KCNV2: variants seen among roughly 807,000 people sequenced by gnomAD.
KCNV2 encodes the protein potassium voltage-gated channel modifier subfamily V member 2.
A neutral mutation model predicts 37.0 loss-of-function variants in KCNV2; 65 were observed. That is an observed-to-expected ratio of 1.76 (90% CI 1.44 to 2.16). KCNV2 has a LOEUF of 2.16. Among genes scored for constraint, KCNV2 ranks in the 30% most tolerant of loss-of-function variants. The pLI is 0.00. For missense variants in KCNV2, 1,232 were observed against 766.7 expected (o/e 1.61, Z -7.17); for synonymous variants, 518 against 328.6 (o/e 1.58, Z -6.23).
rs747113494 is a variant in KCNV2, at chr9:2,718,774, G to C, written c.1035G>C (p.Pro345=). Residue 345 remains proline, a synonymous_variant, in exon 1 of 2, where the codon CCG becomes CCC. Coordinates refer to ENST00000382082, the MANE Select transcript of KCNV2 (RefSeq NM_133497.4). ...TGGTGGACCTGGTGGCCATCCTGCC[G>C]CTCTACCTTCAGCTGCTGCTCGAGT... ...LNLVDLVAIL[P]LYLQLLLECF... is the part of the protein sequence containing the mutation. The C allele has an allele frequency of 1.9e-6, 3 of 1,611,196 alleles. No homozygotes were observed. In the Admixed American group the frequency reaches 5.0e-5, roughly 27 times the overall value.
In KCNV2 at chr9:2,718,368, T is replaced by A. The variant is rs772215476; in HGVS notation, c.629T>A (p.Leu210Gln). ...RICFEERRDELSERLKIQHEL... is the reference protein window; with the variant it reads ...RICFEERRDEQSERLKIQHEL... The stretch of plus-strand genomic sequence containing the variant: ...TGCTTCGAGGAGCGGCGCGACGAGC[T>A]GAGCGAACGGCTCAAGATCCAGCAC... The change falls in exon 1 of 2, where the codon CTG becomes CAG. Residue 210 changes from leucine (L) to glutamine (Q), a missense_variant. Leu to Gln is a moderately radical substitution (Grantham distance 113). Coordinates refer to ENST00000382082, the MANE Select transcript of KCNV2 (RefSeq NM_133497.4). The A allele has an allele frequency of 8.1e-6, 13 of 1,599,546 alleles. No individual in the cohort carries two copies. The highest frequency in any genetic ancestry group is 1.3e-5 in the African/African-American group (1 of 74,820).
rs1349976136 is a variant in KCNV2 at position 2,729,801 on chromosome 9, T to G, written c.*74T>G. 2 of 1,490,290 alleles carry G rather than the reference T, an allele frequency of 1.3e-6. No homozygotes were observed. Among genetic ancestry groups the G allele is most frequent in the Middle Eastern group, 1.7e-4 (1 of 5,836 alleles). 92.3% of individuals were successfully genotyped at this position (1,490,290 alleles called of 1,614,324 possible). ...ATTGCTCTTTTTTTAATCATTATGA[T>G]TGGCAGCAAAAGGAAATGTGAAGCA... On this transcript the variant is annotated 3_prime_UTR_variant, in exon 2 of 2. Coordinates refer to ENST00000382082, the MANE Select transcript of KCNV2 (RefSeq NM_133497.4).
chr9:2,727,906 C>T (rs934704261), intron 1 of KCNV2, among the ~76,000 whole-genome samples: 7 of 151,744 alleles, frequency 4.6e-5, no homozygotes, highest in African/African-American at 1.7e-4. Context: ...AGTCCGTTTC[C>T]TTCAGCTTAT....
chr9:2,722,608 A>C (rs1299882047), intron 1 of KCNV2, among the ~76,000 whole-genome samples: 1 of 149,972 alleles, frequency 6.7e-6, no homozygotes, highest in Non-Finnish European at 1.5e-5. Flanking sequence ...TTTATAAATA[A>C]ATTAGAAGTT....
chr9:2,719,549 G>C (rs12336637), intron 1 of KCNV2, among the ~76,000 whole-genome samples: 9 of 152,112 alleles, frequency 5.9e-5, no homozygotes, highest in Admixed American at 2.0e-4. Flanking sequence ...AAGGAGGTGA[G>C]ACTTGGCTGA....
chr9:2,721,082 T>A (rs1819858780), intron 1 of KCNV2, among the ~76,000 whole-genome samples: 1 of 152,214 alleles, frequency 6.6e-6, no homozygotes. Flanking sequence ...TTGCCAATCA[T>A]AAATGTTACC....
intron 1 of KCNV2, among the ~76,000 whole-genome samples, chr9:2,724,415 T>G (rs1819935870): frequency 1.3e-5 from 2 of 152,048 alleles, no homozygotes; most frequent in African/African-American, 4.8e-5. Context: ...AACAGGGAAT[T>G]TAATACAAGG....
At chr9:2,728,439 C>T (rs1820003479) in intron 1 of KCNV2, among the ~76,000 whole-genome samples, 1 of 152,098 alleles carries the variant, frequency 6.6e-6, no homozygotes, top group Non-Finnish European at 1.5e-5. Flanking sequence ...AAAAACAGTC[C>T]CCAAGGAATT....
At position 2,729,638 on chromosome 9, in the gene KCNV2, G is replaced by A; in HGVS notation, c.1549G>A (p.Glu517Lys). 6.2e-7 allele frequency: 1 copy of A among 1,614,136 alleles called. No individual in the cohort carries two copies. The highest frequency in any genetic ancestry group is 8.5e-7 in the Non-Finnish European group (1 of 1,180,002). The change falls in exon 2 of 2, where the codon GAG becomes AAG. Residue 517 changes from glutamate to lysine, a missense_variant. Coordinates refer to ENST00000382082, the MANE Select transcript of KCNV2 (RefSeq NM_133497.4). ...EYTTIRRERG[E>K]VNFMQRARKK... ...TACCACCATACGCAGGGAGAGGGGAGAGGTGAACTTCATGCAGAGAGCCAG... is the reference window on the plus strand; with the variant it reads ...TACCACCATACGCAGGGAGAGGGGAAAGGTGAACTTCATGCAGAGAGCCAG...
rs977830892 is a variant in KCNV2, at chr9:2,718,762, G to A, written c.1023G>A (p.Val341=). Residue 341 remains valine, a synonymous_variant, in exon 1 of 2, where the codon GTG becomes GTA. Coordinates refer to ENST00000382082, the MANE Select transcript of KCNV2 (RefSeq NM_133497.4). ...GCGCCCTCAACCTGGTGGACCTGGT[G>A]GCCATCCTGCCGCTCTACCTTCAGC... The part of the protein sequence containing the change: ...ARSALNLVDL[V]AILPLYLQLL... 3.7e-6 allele frequency: 6 copies of A among 1,611,602 alleles called. No individual in the cohort carries two copies. In the African/African-American group the frequency reaches 6.7e-5, roughly 18 times the overall value.
Position 2,717,840 on chromosome 9 carries a change from G to C in KCNV2, c.101G>C (p.Gly34Ala). The change falls in exon 1 of 2, where the codon GGT becomes GCT. Residue 34 changes from glycine to alanine, a missense_variant. Gly to Ala is a moderately conservative substitution (Grantham distance 60, BLOSUM62 0). Coordinates refer to ENST00000382082, the MANE Select transcript of KCNV2 (RefSeq NM_133497.4). Reference protein sequence around the residue: ...SQHRRSICSLGARSGSQASIH... With the variant: ...SQHRRSICSLAARSGSQASIH... ...CACCGCAGGAGCATTTGCTCCCTGG[G>C]TGCCCGTTCCGGCTCCCAGGCCAGC... 6.2e-7 allele frequency: 1 copy of C among 1,614,210 alleles called. No homozygotes were observed. Among genetic ancestry groups the C allele is most frequent in the Non-Finnish European group, 8.5e-7 (1 of 1,180,036 alleles).
rs1563795115 is a variant in KCNV2 at position 2,718,309 on chromosome 9, G to A, written c.570G>A (p.Val190=). Residue 190 remains valine (V), a synonymous_variant, in exon 1 of 2, where the codon GTG becomes GTA. Transcript: ENST00000382082. ...TGGAGGAGCTGGGCTACTGGGGCGT[G>A]CGGCTCAAGTACACGCCACGCTGCT... ...RFLEELGYWG[V]RLKYTPRCCR... is the part of the protein sequence containing the mutation. 1.9e-6 allele frequency: 3 copies of A among 1,608,496 alleles called. No homozygotes were observed. The highest frequency in any genetic ancestry group is 1.7e-5 in the Admixed American group (1 of 59,584).
Position 2,718,858 on chromosome 9 carries a change from T to C in KCNV2, c.1119T>C (p.Gly373=). 6.2e-7 allele frequency: 1 copy of C among 1,609,198 alleles called. No homozygotes were observed. Among genetic ancestry groups the C allele is most frequent in the Non-Finnish European group, 8.5e-7 (1 of 1,179,938 alleles). ...CGGTGGGCAGCGTGGGTAAGGTGGG[T>C]CAGGTGTTGCGCGTCATGCGCCTCA... The part of the protein sequence containing the change: ...GQTVGSVGKV[G]QVLRVMRLMR... The change falls in exon 1 of 2, where the codon GGT becomes GGC. Residue 373 remains glycine, a synonymous_variant. Coordinates refer to ENST00000382082, the MANE Select transcript of KCNV2 (RefSeq NM_133497.4).
chr9:2,728,057 T>C (rs1162104569), intron 1 of KCNV2, among the ~76,000 whole-genome samples: 2 of 152,186 alleles, frequency 1.3e-5, no homozygotes, highest in Non-Finnish European at 2.9e-5. Context: ...CCCTTCCTTT[T>C]TTCGTGGGCT....
At chr9:2,729,233 A>G (rs1158323420) in intron 1 of KCNV2, among the ~76,000 whole-genome samples, 5 of 152,168 alleles carry the variant, frequency 3.3e-5, no homozygotes, top group Admixed American at 1.3e-4. Context: ...ATTTCAGCCA[A>G]AGTCTTTCAG....
At position 2,718,445 on chromosome 9, in the gene KCNV2, A is replaced by T. The variant is rs375765488; in HGVS notation, c.706A>T (p.Met236Leu). ...VEEAEELFRD[M>L]RFYGPQRRRL... ...GGAGGCGGAGGAACTCTTCCGCGAC[A>T]TGCGCTTCTACGGCCCGCAGCGGCG... The change falls in exon 1 of 2, where the codon ATG becomes TTG. Residue 236 changes from methionine (M) to leucine (L), a missense_variant. Coordinates refer to ENST00000382082, the MANE Select transcript of KCNV2 (RefSeq NM_133497.4). 7 of 1,607,572 alleles carry T rather than the reference A, an allele frequency of 4.4e-6. No individual in the cohort carries two copies. The highest frequency in any genetic ancestry group is 4.5e-5 in the East Asian group (2 of 44,612).
intron 1 of KCNV2, among the ~76,000 whole-genome samples, chr9:2,724,072 G>A (rs1199086583): frequency 1.3e-5 from 2 of 151,006 alleles, no homozygotes; most frequent in Non-Finnish European, 2.9e-5. Context: ...GTAGAAAAGA[G>A]TAAGTAGACT....
chr9:2,729,788 T>G lies in KCNV2; in HGVS notation c.*61T>G, dbSNP rs1057164598. 6 of 1,541,288 alleles carry G rather than the reference T, an allele frequency of 3.9e-6. No homozygotes were observed. The highest frequency in any genetic ancestry group is 1.4e-5 in the African/African-American group (1 of 73,018). On this transcript the variant is annotated 3_prime_UTR_variant, in exon 2 of 2. Transcript: ENST00000382082. ...ACTTCAAGGCTTCATTGCTCTTTTTTTAATCATTATGATTGGCAGCAAAAG... is the reference window on the plus strand; with the variant it reads ...ACTTCAAGGCTTCATTGCTCTTTTTGTAATCATTATGATTGGCAGCAAAAG...
At chr9:2,720,089 C>T (rs1819838775) in intron 1 of KCNV2, among the ~76,000 whole-genome samples, 1 of 152,082 alleles carries the variant, frequency 6.6e-6, no homozygotes, top group African/African-American at 2.4e-5. Flanking sequence ...ATTGTAATAC[C>T]TTTAAAGACA....
Sources: allele counts gnomAD v4.1 joint callset (sites outside exome capture counted in the v4.1 genomes callset), GRCh38; gene constraint gnomAD v4.1.1; transcripts MANE v1.5; gene names NCBI Gene and HGNC (gene_info 2026-07-23, HGNC 2026-07-21).